BTRC: variants seen among roughly 807,000 people sequenced by gnomAD.
The protein encoded by BTRC is F-box/WD repeat-containing protein 1A.
BTRC carries 42 observed loss-of-function variants against 85.5 expected under a neutral mutation model. The ratio of observed to expected loss-of-function variants is 0.49; its 90% CI spans 0.38 to 0.64. The LOEUF is 0.64. BTRC is among the 30% of genes least tolerant of loss of function. The probability of loss-of-function intolerance (pLI) is 0.00; values close to 1 mark genes in which losing one functional copy is unlikely to be tolerated. For missense variants in BTRC, 594 were observed against 743.5 expected (o/e 0.80, Z 2.34); for synonymous variants, 255 against 263.3 (o/e 0.97, Z 0.30).
intron 4 of BTRC, among the ~76,000 whole-genome samples, chr10:101,497,094 G>A (rs906889649): frequency 2.6e-5 from 4 of 152,118 alleles, no homozygotes; most frequent in Admixed American, 6.5e-5. Context: ...TATATGATGC[G>A]TGGTAGAGGT....
chr10:101,460,859 C>T (rs749892090), intron 2 of BTRC, among the ~76,000 whole-genome samples: 6 of 152,066 alleles, frequency 3.9e-5, no homozygotes, highest in Non-Finnish European at 5.9e-5. Flanking sequence ...CCTGTTAGAA[C>T]GTTATGACTA....
chr10:101,532,930 AG>A (rs1402479119), intron 8 of BTRC, 21 bp from the exon 9 acceptor site: 1 of 1,561,336 alleles, frequency 6.4e-7, no homozygotes, highest in East Asian at 2.2e-5. Flanking sequence ...ATTGATCAAA[AG>A]GATCTTATTT....
At position 101,367,739 on chromosome 10, in the gene BTRC, A is replaced by G. The variant is rs142115807; in HGVS notation, c.48+13511A>G. 1.1e-4 allele frequency among the ~76,000 whole-genome samples: 16 copies of G among 152,242 alleles called. No homozygotes were observed. In the East Asian group the frequency reaches 3.1e-3, roughly 29 times the overall value. ...TGGTGACTGGTATCTTTTGTCCCAC[A>G]TTGTTCGTAAGATGATTCATTCAGG... On this transcript the variant is annotated intron_variant, in intron 1 of 14. Coordinates refer to ENST00000370187, the MANE Select transcript of BTRC (RefSeq NM_033637.4).
At chr10:101,494,168 A>C (rs1363431351) in intron 4 of BTRC, among the ~76,000 whole-genome samples, 1 of 152,238 alleles carries the variant, frequency 6.6e-6, no homozygotes, top group Non-Finnish European at 1.5e-5. Context: ...GAATGTGGCC[A>C]GGTTAATGTG....
At chr10:101,475,922 C>CATATATATATATATAT (rs71016324) in intron 3 of BTRC, among the ~76,000 whole-genome samples, 998 of 67,412 alleles carry the variant, frequency 0.015, 83 homozygotes, top group Middle Eastern at 0.023. Flanking sequence ...AGTATTTTGC[C>CATATATATATATATAT]ATATATATAT....
At chr10:101,538,516 A>G in intron 13 of BTRC, 145 bp downstream of exon 13, 1 of 661,792 alleles carries the variant, frequency 1.5e-6, no homozygotes, top group Non-Finnish European at 2.6e-6. Context: ...AGTACATGAC[A>G]ATAAAATATG....
At chr10:101,548,588 C>T (rs1370479229) in intron 13 of BTRC, among the ~76,000 whole-genome samples, 1 of 151,910 alleles carries the variant, frequency 6.6e-6, no homozygotes, top group Non-Finnish European at 1.5e-5. Flanking sequence ...CCTGTCTTTA[C>T]TAAAATACAA....
chr10:101,541,444 T>G (rs540845825), intron 13 of BTRC, among the ~76,000 whole-genome samples: 2 of 152,188 alleles, frequency 1.3e-5, no homozygotes, highest in East Asian at 3.9e-4. Context: ...TATTTTTTAG[T>G]AGAGACGGGG....
At chr10:101,420,587 C>T (rs968969953) in intron 1 of BTRC, among the ~76,000 whole-genome samples, 2 of 152,082 alleles carry the variant, frequency 1.3e-5, no homozygotes, top group Middle Eastern at 3.2e-3. Flanking sequence ...ACGTGGTAGC[C>T]TTCCTTGTTC....
chr10:101,506,859 A>G (rs962900537), intron 4 of BTRC, among the ~76,000 whole-genome samples: 1 of 152,206 alleles, frequency 6.6e-6, no homozygotes, highest in East Asian at 1.9e-4. Flanking sequence ...GGGGTTTTTG[A>G]AAAGAGATCT....
At chr10:101,475,317 A>C (rs889473894) in intron 3 of BTRC, among the ~76,000 whole-genome samples, 2 of 152,184 alleles carry the variant, frequency 1.3e-5, no homozygotes, top group African/African-American at 4.8e-5. Flanking sequence ...AGGCAGGTGG[A>C]TCAATTAAGG....
At position 101,532,316 on chromosome 10, in the gene BTRC, T is replaced by C. The variant is rs2062296785; in HGVS notation, c.862T>C (p.Cys288Arg). Residue 288 changes from cysteine (C) to arginine (R), a missense_variant, in exon 8 of 15, where the codon TGT (cysteine) becomes CGT (arginine). Physicochemically the swap from Cys to Arg is radical, Grantham distance 180. Transcript: ENST00000370187. ...DIETIESNWR[C>R]GRHSLQRIHC... ...TCAGACAATAGAATCTAATTGGAGA[T>C]GTGGAAGACATAGTTTACAGAGAAT... 3 of 1,612,914 alleles carry C rather than the reference T, an allele frequency of 1.9e-6. No homozygotes were observed. The highest frequency in any genetic ancestry group is 1.3e-5 in the African/African-American group (1 of 74,978).
At chr10:101,545,781 T>G (rs1365620284) in intron 13 of BTRC, among the ~76,000 whole-genome samples, 1 of 152,224 alleles carries the variant, frequency 6.6e-6, no homozygotes, top group Non-Finnish European at 1.5e-5. Context: ...CTAGCCCTGA[T>G]GGACCATTCT....
Position 101,550,757 on chromosome 10 carries a change from C to T in BTRC, c.1715C>T (p.Ser572Leu). 1 of 1,613,868 alleles carries T rather than the reference C, an allele frequency of 6.2e-7. No homozygotes were observed. Among genetic ancestry groups the T allele is most frequent in the Non-Finnish European group, 8.5e-7 (1 of 1,179,858 alleles). Reference protein sequence around the residue: ...QFDEFQIVSSSHDDTILIWDF... With the variant: ...QFDEFQIVSSLHDDTILIWDF... ...GATGAATTCCAGATTGTCAGTAGTT[C>T]ACATGATGACACAATCCTCATCTGG... is the stretch of plus-strand genomic sequence containing the variant. The change falls in exon 14 of 15, where the codon TCA (serine) becomes TTA (leucine). Residue 572 changes from serine to leucine, a missense_variant. Coordinates refer to ENST00000370187, the MANE Select transcript of BTRC (RefSeq NM_033637.4).
chr10:101,494,879 G>A lies in BTRC; in HGVS notation c.324+15422G>A, dbSNP rs538991530. On this transcript the variant is annotated intron_variant, in intron 4 of 14. Transcript: ENST00000370187. ...TCTGATAATATTCAAATGTGAAATA[G>A]ACATTGTTGTGTGGAGGCAGTGACA... Among the ~76,000 whole-genome samples, 5 of 152,312 alleles carry A rather than the reference G, an allele frequency of 3.3e-5. No individual in the cohort carries two copies. In the South Asian group the frequency reaches 1.0e-3, roughly 32 times the overall value.
intron 4 of BTRC, among the ~76,000 whole-genome samples, chr10:101,516,796 A>G (rs1177600236): frequency 3.3e-5 from 5 of 152,188 alleles, no homozygotes; most frequent in East Asian, 1.9e-4. Flanking sequence ...TATTTAATGT[A>G]TAAGTGGAAT....
At chr10:101,487,105 TTTG>T (rs1463972520) in intron 4 of BTRC, among the ~76,000 whole-genome samples, 8 of 152,228 alleles carry the variant, frequency 5.3e-5, no homozygotes, top group African/African-American at 1.9e-4. Flanking sequence ...GGAAAAAATA[TTTG>T]TTGTTATATG....
rs1246320118 is a variant in BTRC, at chr10:101,528,465, T to TC, written c.743+2270dup. On this transcript the variant is annotated intron_variant, in intron 6 of 14. Transcript: ENST00000370187. ...GATCCAGCACTAATTACCACTTTTT[T>TC]CCCCTATCTCTTTATCCACAGAAAC... Among the ~76,000 whole-genome samples the TC allele has an allele frequency of 3.9e-5, 6 of 152,176 alleles. No homozygotes were observed. The East Asian group carries it at 1.2e-3, about 29-fold the overall frequency.
rs1389392151 is a variant in BTRC at position 101,366,868 on chromosome 10, TAATA to T, written c.48+12641_48+12644del. ...TGTATATTAATATATATTTATATATTAATATATATTTATATATATTTATATATAT... is the reference window on the plus strand; with the variant it reads ...TGTATATTAATATATATTTATATATTTATATTTATATATATTTATATATAT... On this transcript the variant is annotated intron_variant, in intron 1 of 14. Transcript: ENST00000370187. Among the ~76,000 whole-genome samples, 5 of 10,426 alleles carry T rather than the reference TAATA, an allele frequency of 4.8e-4. 2 individuals are homozygous for T. Among genetic ancestry groups the T allele is most frequent in the African/African-American group, 9.0e-4 (2 of 2,230 alleles). 6.8% of individuals were successfully genotyped at this position (10,426 alleles called of 152,430 possible).
Sources: allele counts gnomAD v4.1 joint callset (sites outside exome capture counted in the v4.1 genomes callset), GRCh38; gene constraint gnomAD v4.1.1; transcripts MANE v1.5; gene names NCBI Gene and HGNC (gene_info 2026-07-23, HGNC 2026-07-21).